NDUFA10: variants seen among roughly 807,000 people sequenced by gnomAD.
The protein encoded by NDUFA10 is NADH:ubiquinone oxidoreductase subunit A10.
A neutral mutation model predicts 47.8 loss-of-function variants in NDUFA10; 40 were observed. The ratio of observed to expected loss-of-function variants is 0.84; its 90% CI spans 0.65 to 1.09. The LOEUF is 1.09. NDUFA10 is among the 50% of genes least tolerant of loss of function. The pLI is 0.00. For missense variants in NDUFA10, 413 were observed against 451.1 expected (o/e 0.92, Z 0.76); for synonymous variants, 183 against 172.2 (o/e 1.06, Z -0.49).
At chr2:240,024,530 A>T (rs1053576264) in intron 1 of NDUFA10, among the ~76,000 whole-genome samples, 1 of 152,248 alleles carries the variant, frequency 6.6e-6, no homozygotes, top group Admixed American at 6.5e-5. Flanking sequence ...CGAACCTATA[A>T]TGGTGGAGAC....
intron 4 of NDUFA10, among the ~76,000 whole-genome samples, chr2:239,909,562 G>A (rs185323920): frequency 2.8e-4 from 42 of 152,240 alleles, no homozygotes; most frequent in Admixed American, 2.2e-3. Flanking sequence ...GGAGTGAGCC[G>A]AGATCGCACC....
intron 4 of NDUFA10, among the ~76,000 whole-genome samples, chr2:239,939,833 G>C (rs973071931): frequency 1.3e-5 from 2 of 152,236 alleles, no homozygotes; most frequent in Non-Finnish European, 2.9e-5. Flanking sequence ...ATAATCCCAG[G>C]TGTGGGAGAC....
intron 5 of NDUFA10, among the ~76,000 whole-genome samples, chr2:239,894,515 G>C (rs760488643): frequency 3.9e-5 from 6 of 152,100 alleles, no homozygotes; most frequent in Non-Finnish European, 5.9e-5. Context: ...CCCAACACCG[G>C]ATCTGTCAGT....
chr2:240,022,908 C>G (rs1432009926), intron 1 of NDUFA10, among the ~76,000 whole-genome samples: 1 of 152,070 alleles, frequency 6.6e-6, no homozygotes, highest in Non-Finnish European at 1.5e-5. Context: ...AAGGAATATC[C>G]ACTACCTAAC....
intron 9 of NDUFA10, among the ~76,000 whole-genome samples, chr2:239,962,239 A>ACACACACACC (rs1491418298): frequency 2.7e-5 from 4 of 149,346 alleles, no homozygotes; most frequent in African/African-American, 9.9e-5. Flanking sequence ...ACACACACAC[A>ACACACACACC]CCCCTTCCAA....
rs114312647 is a variant in NDUFA10, at chr2:239,935,782, T to C, written c.295-40468A>G. On this transcript the variant is annotated intron_variant, in intron 4 of 5. Transcript: ENST00000419408. ...TCCTTTCTCTTGGCTCCCATTCTCTTTTGCCTGCCGCCATGTAAGACATGC... is the reference window on the plus strand; with the variant it reads ...TCCTTTCTCTTGGCTCCCATTCTCTCTTGCCTGCCGCCATGTAAGACATGC... 8.1e-3 allele frequency among the ~76,000 whole-genome samples: 1,238 copies of C among 152,310 alleles called. 6 individuals carry two copies. The highest frequency in any genetic ancestry group is 0.019 in the South Asian group (92 of 4,824).
rs2289407 is a variant in NDUFA10 at position 240,014,693 on chromosome 2, A to G, written c.669+46T>C. The G allele has an allele frequency of 0.33, 531,992 of 1,612,530 alleles. 91,149 individuals are homozygous for G. The highest frequency in any genetic ancestry group is 0.41 in the East Asian group (18,182 of 44,848). ...AAAACAGGGCTTTTAGTGCTGATCT[A>G]CATTCAAAATAGAGATGCTTGGCCT... On this transcript the variant is annotated intron_variant, in intron 5 of 9. Coordinates refer to ENST00000252711, the MANE Select transcript of NDUFA10 (RefSeq NM_004544.4).
rs759138540 is a variant in NDUFA10 at position 240,011,648 on chromosome 2, C to A, written c.718G>T (p.Ala240Ser). 5.0e-6 allele frequency: 8 copies of A among 1,613,506 alleles called. No homozygotes were observed. In the South Asian group the frequency reaches 7.7e-5, roughly 16 times the overall value. Residue 240 changes from alanine to serine, a missense_variant, in exon 6 of 10, where the codon GCC becomes TCC. Coordinates refer to ENST00000252711, the MANE Select transcript of NDUFA10 (RefSeq NM_004544.4). Reference protein sequence around the residue: ...TSAYLQDIENAYKKTFLPEMS... With the variant: ...TSAYLQDIENSYKKTFLPEMS... ...TCAGGGAGAAAGGTTTTCTTATAGG[C>A]ATTCTCAATGTCCTGTAGATAGGCA...
intron 8 of NDUFA10, among the ~76,000 whole-genome samples, chr2:240,002,111 C>T (rs1311447279): frequency 6.6e-6 from 1 of 152,118 alleles, no homozygotes; most frequent in Non-Finnish European, 1.5e-5. Flanking sequence ...AGGTGGATCA[C>T]CTGAGGTCAG....
At position 239,915,284 on chromosome 2, in the gene NDUFA10, A is replaced by G. The variant is rs551757966; in HGVS notation, c.295-19970T>C. 4.1e-4 allele frequency among the ~76,000 whole-genome samples: 61 copies of G among 148,108 alleles called. 1 individual carries two copies. In the South Asian group the frequency reaches 1.0e-2, roughly 24 times the overall value. The stretch of plus-strand genomic sequence containing the variant: ...CACACATACAGACACACACAAATAT[A>G]CAGACACAGACAGAGAGACAGAGAT... On this transcript the variant is annotated intron_variant, in intron 4 of 5. Transcript: ENST00000419408.
At chr2:239,926,222 T>C (rs1262097063) in intron 4 of NDUFA10, among the ~76,000 whole-genome samples, 3 of 152,226 alleles carry the variant, frequency 2.0e-5, no homozygotes, top group Non-Finnish European at 4.4e-5. Flanking sequence ...TTCATAATTG[T>C]CAAAATCTGG....
At chr2:239,935,352 C>T (rs924255411) in intron 4 of NDUFA10, among the ~76,000 whole-genome samples, 7 of 152,172 alleles carry the variant, frequency 4.6e-5, no homozygotes, top group African/African-American at 7.2e-5. Context: ...GGATGGTGAC[C>T]GGTGCCACTG....
chr2:239,938,161 TCCC>T (rs1694298997), intron 4 of NDUFA10, among the ~76,000 whole-genome samples: 2 of 151,846 alleles, frequency 1.3e-5, no homozygotes, highest in Middle Eastern at 3.4e-3. Context: ...CTCGGACAGC[TCCC>T]CCATCTGTCA....
chr2:239,998,646 G>A (rs537202662), intron 8 of NDUFA10, among the ~76,000 whole-genome samples: 1 of 152,190 alleles, frequency 6.6e-6, no homozygotes, highest in Non-Finnish European at 1.5e-5. Context: ...TTCTTTCTGG[G>A]AGTCTGGAAC....
chr2:239,893,809 G>T (rs541353373), intron 5 of NDUFA10, among the ~76,000 whole-genome samples: 1 of 152,282 alleles, frequency 6.6e-6, no homozygotes, highest in South Asian at 2.1e-4. Context: ...CCTAGATAAA[G>T]TCAGGTGGTC....
At chr2:240,015,729 CAG>C (rs1697320674) in intron 4 of NDUFA10, among the ~76,000 whole-genome samples, 1 of 152,266 alleles carries the variant, frequency 6.6e-6, no homozygotes, top group African/African-American at 2.4e-5. Flanking sequence ...CAGAAGCCAA[CAG>C]AGAGTGCACG....
In NDUFA10 at chr2:239,959,342, C is replaced by T. The variant is rs1694752656; in HGVS notation, c.*1776G>A. ...ACTGCTGAGGACACTACCCGTGCAACCACCAAGGTTGAAGGAAACAGCTAG... is the reference window on the plus strand; with the variant it reads ...ACTGCTGAGGACACTACCCGTGCAATCACCAAGGTTGAAGGAAACAGCTAG... On this transcript the variant is annotated 3_prime_UTR_variant, in exon 10 of 10. Transcript: ENST00000252711. 2.0e-6 allele frequency: 2 copies of T among 985,332 alleles called. No homozygotes were observed. The highest frequency in any genetic ancestry group is 4.7e-5 in the South Asian group (1 of 21,294). 61.0% of individuals were successfully genotyped at this position (985,332 alleles called of 1,614,324 possible). A position where few individuals can be genotyped will look rare whatever the true frequency, so the allele number is the denominator to read the frequency against.
intron 9 of NDUFA10, among the ~76,000 whole-genome samples, chr2:239,968,341 C>T (rs979459411): frequency 6.6e-6 from 1 of 152,348 alleles, no homozygotes; most frequent in Non-Finnish European, 1.5e-5. Flanking sequence ...GCACAGACTT[C>T]AGCTTTGTGG....
intron 4 of NDUFA10, among the ~76,000 whole-genome samples, chr2:239,951,249 C>T (rs925120004): frequency 1.3e-5 from 2 of 152,152 alleles, no homozygotes; most frequent in African/African-American, 4.8e-5. Flanking sequence ...ACAGGGCGTG[C>T]GGGAGGGGCC....
Sources: gnomAD v4.1 joint callset for allele counts (sites outside exome capture counted in the v4.1 genomes callset) on GRCh38, gnomAD v4.1.1 for gene constraint, MANE v1.5 for transcripts, NCBI Gene and HGNC (gene_info 2026-07-23, HGNC 2026-07-21) for gene names.